Variants in SLC29A3 observed in about 807,000 individuals in gnomAD.
SLC29A3 encodes equilibrative nucleoside transporter 3.
A neutral mutation model predicts 25.4 loss-of-function variants in SLC29A3; 18 were observed. That is an observed-to-expected ratio of 0.71 (90% CI 0.49 to 1.05). The LOEUF (loss-of-function observed/expected upper bound fraction) is 1.05. SLC29A3 is among the 50% of genes least tolerant of loss of function. The probability of loss-of-function intolerance (pLI) is 0.00; values close to 1 mark genes in which losing one functional copy is unlikely to be tolerated. For missense variants in SLC29A3, 586 were observed against 609.0 expected, an observed-to-expected ratio of 0.96 and a Z score of 0.40; for synonymous variants, 258 against 267.1, an observed-to-expected ratio of 0.97 and a Z score of 0.33.
rs1358191640 is a variant in SLC29A3 at position 71,356,201 on chromosome 10, G to T, written c.731G>T (p.Cys244Phe). ...ACGGCCACTGTCTTCCTCGTGCTCT[G>T]CATGGGACTCTACCTGCTGCTGTCC... is the stretch of plus-strand genomic sequence containing the variant. ...FLTATVFLVLCMGLYLLLSRL... is the reference protein window; with the variant it reads ...FLTATVFLVLFMGLYLLLSRL... The change falls in exon 5 of 6, where the codon TGC becomes TTC. Residue 244 changes from cysteine to phenylalanine, a missense_variant. Cys to Phe is a radical substitution (Grantham distance 205). Coordinates refer to ENST00000373189, the MANE Select transcript of SLC29A3 (RefSeq NM_018344.6). The T allele has an allele frequency of 6.2e-7, 1 of 1,614,108 alleles. No individual in the cohort carries two copies. The highest frequency in any genetic ancestry group is 1.7e-5 in the Admixed American group (1 of 60,024).
chr10:71,363,888 C>A (rs1847139953), downstream of SLC29A3, among the ~76,000 whole-genome samples: 1 of 148,764 alleles, frequency 6.7e-6, no homozygotes, highest in African/African-American at 2.5e-5. Flanking sequence ...CGGCTCACTG[C>A]AACCTTGAGG....
chr10:71,361,442 G>A (rs552719309), intron 5 of SLC29A3, among the ~76,000 whole-genome samples: 4 of 152,360 alleles, frequency 2.6e-5, no homozygotes, highest in Non-Finnish European at 4.4e-5. Flanking sequence ...GATTATAGGC[G>A]TGAGCCATCA....
At chr10:71,327,399 A>C (rs59548488) in intron 2 of SLC29A3, among the ~76,000 whole-genome samples, 3,366 of 152,262 alleles carry the variant, frequency 0.022, 129 homozygotes, top group African/African-American at 0.077. Context: ...TAGAGCATAA[A>C]TGAGGAAGAA....
At chr10:71,323,278 A>G (rs1845894947) in intron 2 of SLC29A3, among the ~76,000 whole-genome samples, 3 of 152,240 alleles carry the variant, frequency 2.0e-5, no homozygotes, top group Admixed American at 1.3e-4. Flanking sequence ...GAATAGTGTT[A>G]TGTTCAGCTA....
chr10:71,368,447 C>T (rs889243520), intron 3 of SLC29A3, among the ~76,000 whole-genome samples: 1 of 152,186 alleles, frequency 6.6e-6, no homozygotes, highest in Admixed American at 6.5e-5. Context: ...ATGGACTTGC[C>T]AGGCCCCTCG....
Position 71,319,260 on chromosome 10 carries a change from G to A in SLC29A3, c.-50G>A, listed in dbSNP as rs1564523501. On this transcript the variant is annotated 5_prime_UTR_variant, in exon 1 of 6. In the 5' UTR this introduces an upstream ATG that the reference lacks. Transcript: ENST00000373189. ...GCCCGCCTGCCGCCTGCCAAGCCCA[G>A]TGGTCCTGGCCGTGCGCCGGAGGCA... 3.5e-6 allele frequency: 2 copies of A among 574,432 alleles called. No individual in the cohort carries two copies. The allele number at this position is 574,432 out of a possible 1,614,324, so 35.6% of individuals were successfully genotyped here. A position where few individuals can be genotyped will look rare whatever the true frequency, so the allele number is the denominator to read the frequency against.
intron 2 of SLC29A3, among the ~76,000 whole-genome samples, chr10:71,330,837 G>A (rs948043800): frequency 1.7e-4 from 25 of 149,750 alleles, no homozygotes; most frequent in African/African-American, 5.6e-4. Context: ...TGTACTAGAA[G>A]CTTTTTTTTT....
At chr10:71,342,037 A>G (rs909384526) in intron 2 of SLC29A3, among the ~76,000 whole-genome samples, 2 of 151,910 alleles carry the variant, frequency 1.3e-5, no homozygotes, top group African/African-American at 4.8e-5. Flanking sequence ...GTAACACCTC[A>G]TGTTTGCTCT....
chr10:71,353,994 C>T (rs1846830063), intron 4 of SLC29A3, among the ~76,000 whole-genome samples: 1 of 152,142 alleles, frequency 6.6e-6, no homozygotes, highest in South Asian at 2.1e-4. Flanking sequence ...TGGGGAGTGT[C>T]TTACTGAGTT....
intron 2 of SLC29A3, among the ~76,000 whole-genome samples, chr10:71,325,831 G>A (rs1589221809): frequency 6.6e-6 from 1 of 152,072 alleles, no homozygotes; most frequent in East Asian, 1.9e-4. Flanking sequence ...TGACTGAAGG[G>A]CACAGTAGAG....
chr10:71,362,714 CAG>C lies in SLC29A3; in HGVS notation c.*111_*112del, dbSNP rs1847101590. 3 of 1,453,362 alleles carry C rather than the reference CAG, an allele frequency of 2.1e-6. No individual in the cohort carries two copies. The highest frequency in any genetic ancestry group is 2.9e-6 in the Non-Finnish European group (3 of 1,051,318). The allele number at this position is 1,453,362 out of a possible 1,614,324, so 90.0% of individuals were successfully genotyped here. A position where few individuals can be genotyped will look rare whatever the true frequency, so the allele number is the denominator to read the frequency against. ...AAAGGCCTAAAGTTTCACTTGGGGA[CAG>C]AGAGCAGAGCACACTCGGGCCTCAT... On this transcript the variant is annotated 3_prime_UTR_variant, in exon 6 of 6. Coordinates refer to ENST00000373189, the MANE Select transcript of SLC29A3 (RefSeq NM_018344.6).
At chr10:71,352,080 G>A (rs756859270) in intron 4 of SLC29A3, among the ~76,000 whole-genome samples, 7 of 152,280 alleles carry the variant, frequency 4.6e-5, no homozygotes, top group East Asian at 1.9e-4. Context: ...CCTGGCTGGC[G>A]TGTTGATAGT....
chr10:71,348,540 G>A (rs982062991), intron 3 of SLC29A3, among the ~76,000 whole-genome samples: 1 of 152,224 alleles, frequency 6.6e-6, no homozygotes, highest in African/African-American at 2.4e-5. Flanking sequence ...GAGTGGGTGG[G>A]ACAGCTCCAG....
In SLC29A3 at chr10:71,344,206, C is replaced by G. The variant is rs771882635; in HGVS notation, c.301-3C>G. 11 of 1,613,734 alleles carry G rather than the reference C, an allele frequency of 6.8e-6. No individual in the cohort carries two copies. The highest frequency in any genetic ancestry group is 9.3e-6 in the Non-Finnish European group (11 of 1,179,670). On this transcript the variant is annotated splice_polypyrimidine_tract_variant and splice_region_variant and intron_variant, in intron 2 of 5. Transcript: ENST00000373189. ...CAGCACCTCCTCACTTGTGTGCTTG[C>G]AGAACTACTTTGAGAGCTACCTTGC...
chr10:71,325,252 G>A (rs867929709), intron 2 of SLC29A3, among the ~76,000 whole-genome samples: 1 of 152,192 alleles, frequency 6.6e-6, no homozygotes, highest in South Asian at 2.1e-4. Flanking sequence ...AGGCATCCCT[G>A]TTGTCCATCT....
chr10:71,379,580 T>C (rs905138358), intron 4 of SLC29A3, among the ~76,000 whole-genome samples: 2 of 152,242 alleles, frequency 1.3e-5, no homozygotes, highest in Admixed American at 6.5e-5. Flanking sequence ...AAGCAACTAA[T>C]AGGCTCTTTG....
intron 2 of SLC29A3, among the ~76,000 whole-genome samples, chr10:71,327,844 C>T (rs1440121461): frequency 6.6e-6 from 1 of 151,822 alleles, no homozygotes; most frequent in Non-Finnish European, 1.5e-5. Context: ...ACCCAGCGTC[C>T]CTTGTCCCTT....
At chr10:71,376,903 G>C (rs1193820237) in intron 4 of SLC29A3, among the ~76,000 whole-genome samples, 1 of 152,078 alleles carries the variant, frequency 6.6e-6, no homozygotes, top group Non-Finnish European at 1.5e-5. Context: ...AGCCTCCCGA[G>C]TAGCTGGGAT....
At chr10:71,346,770 G>T (rs748377771) in intron 3 of SLC29A3, among the ~76,000 whole-genome samples, 15 of 152,172 alleles carry the variant, frequency 9.9e-5, no homozygotes, top group Admixed American at 8.5e-4. Context: ...CTACATCCTA[G>T]TTCCCCAGCT....
Sources: gnomAD v4.1 joint callset for allele counts (sites outside exome capture counted in the v4.1 genomes callset) on GRCh38, gnomAD v4.1.1 for gene constraint, MANE v1.5 for transcripts, NCBI Gene and HGNC (gene_info 2026-07-23, HGNC 2026-07-21) for gene names.